The following CYRIB variants were observed in gnomAD, a reference collection of about 807,000 sequenced individuals.
The protein encoded by CYRIB is CYFIP-related Rac1 interactor B.
CYRIB carries 8 observed loss-of-function variants against 44.2 expected under a neutral mutation model. That is an observed-to-expected ratio of 0.18 (90% CI 0.11 to 0.33). The LOEUF (loss-of-function observed/expected upper bound fraction) is 0.33. Among genes scored for constraint, CYRIB ranks in the 10% least tolerant of loss-of-function variants. The pLI, the probability that CYRIB is intolerant of heterozygous loss-of-function variation, is 1.00. For synonymous variants in CYRIB, 131 were observed against 127.2 expected (o/e 1.03, Z -0.20); for missense variants, 185 against 382.8 (o/e 0.48, Z 4.31).
chr8:129,863,522 C>CT (rs1218894457), intron 4 of CYRIB, among the ~76,000 whole-genome samples: 1 of 145,948 alleles, frequency 6.9e-6, no homozygotes, highest in African/African-American at 2.6e-5. Flanking sequence ...GAGACTCTGT[C>CT]TTAAAAAAAA....
At chr8:129,927,833 T>C (rs552156971) in intron 1 of CYRIB, among the ~76,000 whole-genome samples, 4 of 152,238 alleles carry the variant, frequency 2.6e-5, no homozygotes, top group South Asian at 2.1e-4. Context: ...TAAAAGTCTA[T>C]AGAAAAACCC....
intron 1 of CYRIB, among the ~76,000 whole-genome samples, chr8:129,924,273 CAA>C (rs34140791): frequency 6.6e-5 from 3 of 45,236 alleles, no homozygotes; most frequent in Admixed American, 4.7e-4. Context: ...GACCTGCCTC[CAA>C]AAAAAAAAAA....
chr8:129,942,761 C>T (rs181120827), upstream of CYRIB, among the ~76,000 whole-genome samples: 5 of 152,194 alleles, frequency 3.3e-5, no homozygotes, highest in Admixed American at 1.3e-4. Context: ...CTAAGCTCTA[C>T]GCTCTTGACT....
In CYRIB at chr8:129,971,322, A is replaced by G. The variant is rs560959948; in HGVS notation, c.-295-327T>C. Among the ~76,000 whole-genome samples the G allele has an allele frequency of 2.0e-5, 3 of 152,252 alleles. No homozygotes were observed. The South Asian group carries it at 6.2e-4, about 32-fold the overall frequency. ...TGGCCAGGCTGGTCTTGAACTCCTG[A>G]CCTCAAGTGATCCACCAGCCTTGAC... On this transcript the variant is annotated intron_variant, in intron 1 of 14. Coordinates refer to the CYRIB transcript ENST00000401979.
intron 2 of CYRIB, among the ~76,000 whole-genome samples, chr8:129,950,158 T>C (rs1175672039): frequency 6.6e-6 from 1 of 152,254 alleles, no homozygotes; most frequent in Non-Finnish European, 1.5e-5. Flanking sequence ...GGGGCATTTT[T>C]GTTGACAATT....
intron 2 of CYRIB, among the ~76,000 whole-genome samples, chr8:129,968,481 A>C (rs2095570329): frequency 6.6e-6 from 1 of 152,128 alleles, no homozygotes; most frequent in African/African-American, 2.4e-5. Flanking sequence ...AGTCTCTTAT[A>C]AATGGTTTTA....
At chr8:129,876,312 G>C (rs755357930) in intron 3 of CYRIB, among the ~76,000 whole-genome samples, 1 of 152,150 alleles carries the variant, frequency 6.6e-6, no homozygotes, top group Non-Finnish European at 1.5e-5. Context: ...CAAAGCTGCA[G>C]TGAGCTGAGA....
exon 10 of CYRIB, chr8:129,849,339 C>T: frequency 6.2e-7 from 1 of 1,613,308 alleles, no homozygotes; most frequent in South Asian, 1.1e-5. Flanking sequence ...ATGACACTGT[C>T]TCTTCATTTG....
At chr8:129,972,359 G>C (rs2095733799) in intron 1 of CYRIB, among the ~76,000 whole-genome samples, 1 of 152,166 alleles carries the variant, frequency 6.6e-6, no homozygotes, top group South Asian at 2.1e-4. Flanking sequence ...CATTTTAGGA[G>C]GCTGAGGTGG....
intron 4 of CYRIB, among the ~76,000 whole-genome samples, chr8:129,863,084 G>A (rs1034458400): frequency 5.9e-5 from 9 of 152,152 alleles, no homozygotes; most frequent in African/African-American, 2.2e-4. Flanking sequence ...TATTTTAGCA[G>A]TAGAAAAGAA....
chr8:129,980,969 G>A (rs1359872400), intron 1 of CYRIB, among the ~76,000 whole-genome samples: 1 of 151,240 alleles, frequency 6.6e-6, no homozygotes, highest in Non-Finnish European at 1.5e-5. Flanking sequence ...GTGTAACAGA[G>A]TGAGACACTA....
chr8:129,996,438 G>C (rs1184854341), intron 1 of CYRIB, among the ~76,000 whole-genome samples: 1 of 152,186 alleles, frequency 6.6e-6, no homozygotes, highest in Non-Finnish European at 1.5e-5. Flanking sequence ...CTGGCACACA[G>C]TGAAGCAGAA....
chr8:129,948,981 AG>A, intron 2 of CYRIB: 1 of 152,258 alleles, frequency 6.6e-6, no homozygotes, highest in East Asian at 1.9e-4. Context: ...AGGCTGAGGC[AG>A]TAGGATTGCT....
rs568847604 is a variant in CYRIB at position 129,865,393 on chromosome 8, G to A, written c.196-3059C>T. On this transcript the variant is annotated intron_variant, in intron 4 of 11. Coordinates refer to ENST00000519824, the Ensembl canonical transcript of CYRIB. ...ACTTTCAAGTGGCTGGGTTCAGCAA[G>A]TACAAACTTTTTTAGTTTTGCTTTA... 2.2e-4 allele frequency among the ~76,000 whole-genome samples: 33 copies of A among 152,328 alleles called. 1 individual carries two copies. Among genetic ancestry groups the A allele is most frequent in the African/African-American group, 7.5e-4 (31 of 41,576 alleles).
chr8:129,842,432 T>G (rs1300001974), intron 11 of CYRIB, among the ~76,000 whole-genome samples: 1 of 152,198 alleles, frequency 6.6e-6, no homozygotes, highest in Admixed American at 6.5e-5. Context: ...TAGTTACAAC[T>G]ACACTGCTGA....
At chr8:129,893,643 A>C (rs2066461430) in intron 2 of CYRIB, among the ~76,000 whole-genome samples, 1 of 151,944 alleles carries the variant, frequency 6.6e-6, no homozygotes, top group Non-Finnish European at 1.5e-5. Context: ...TGACCTCCCA[A>C]CCTCTTTCAA....
chr8:130,008,800 C>T (rs1208571406), intron 1 of CYRIB, among the ~76,000 whole-genome samples: 3 of 152,212 alleles, frequency 2.0e-5, no homozygotes, highest in African/African-American at 4.8e-5. Context: ...AGACACAAAA[C>T]CAGAGTTCAG....
intron 2 of CYRIB, among the ~76,000 whole-genome samples, chr8:129,949,806 G>A (rs1459613007): frequency 6.6e-6 from 1 of 151,908 alleles, no homozygotes; most frequent in African/African-American, 2.4e-5. Context: ...TGAACCCAGG[G>A]GGCAGAGGTT....
chr8:129,853,470 A>T (rs936557923), intron 7 of CYRIB, among the ~76,000 whole-genome samples: 17 of 152,198 alleles, frequency 1.1e-4, no homozygotes, highest in African/African-American at 3.1e-4. Flanking sequence ...TGATATATAT[A>T]TTTTAAATAT....
Sources: gnomAD v4.1 joint callset for allele counts (sites outside exome capture counted in the v4.1 genomes callset) on GRCh38, gnomAD v4.1.1 for gene constraint, MANE v1.5 for transcripts, NCBI Gene and HGNC (gene_info 2026-07-23, HGNC 2026-07-21) for gene names.